The following PTGER3 variants were observed in gnomAD, a reference collection of about 807,000 sequenced individuals.
PTGER3 encodes the protein prostaglandin E2 receptor EP3 subtype.
PTGER3 carries 22 observed loss-of-function variants against 34.7 expected under a neutral mutation model. The ratio of observed to expected loss-of-function variants is 0.63; its 90% CI spans 0.45 to 0.91. The LOEUF is 0.91. Among genes scored for constraint, PTGER3 ranks in the 40% least tolerant of loss-of-function variants. PTGER3 has a pLI of 0.00. For synonymous variants in PTGER3, 241 were observed against 230.1 expected (o/e 1.05, Z -0.43); for missense variants, 468 against 519.4 (o/e 0.90, Z 0.96).
intron 4 of PTGER3, among the ~76,000 whole-genome samples, chr1:70,916,115 GAACA>G (rs748678581): frequency 4.0e-5 from 6 of 151,562 alleles, no homozygotes; most frequent in Non-Finnish European, 8.9e-5. Flanking sequence ...TACAAGCAAC[GAACA>G]AACATATGAA....
intron 4 of PTGER3, among the ~76,000 whole-genome samples, chr1:70,927,317 C>G (rs895187050): frequency 7.2e-5 from 11 of 152,168 alleles, no homozygotes; most frequent in African/African-American, 2.2e-4. Context: ...GTCCTGGACT[C>G]TTTTTGGTTG....
At chr1:70,981,564 A>G (rs1489961531) in intron 2 of PTGER3, among the ~76,000 whole-genome samples, 2 of 151,406 alleles carry the variant, frequency 1.3e-5, no homozygotes, top group Non-Finnish European at 2.9e-5. Context: ...ATGCATCACC[A>G]CACCCTGCTA....
chr1:71,009,591 T>C (rs1018246088), intron 2 of PTGER3: 1 of 984,988 alleles, frequency 1.0e-6, no homozygotes, highest in African/African-American at 1.7e-5. Flanking sequence ...ATTCATTGTT[T>C]GGAAAATCAA....
chr1:70,862,551 A>G (rs7533733), intron 4 of PTGER3, among the ~76,000 whole-genome samples: 69,872 of 151,990 alleles, frequency 0.46, 17,341 homozygotes, highest in East Asian at 0.82. Context: ...TGACTTAGAA[A>G]GCTCAAGGAA....
Position 70,971,107 on chromosome 1 carries a change from C to G in PTGER3, c.*623G>C, listed in dbSNP as rs946734995. 5.1e-6 allele frequency: 5 copies of G among 985,364 alleles called. No individual in the cohort carries two copies. Among genetic ancestry groups the G allele is most frequent in the Non-Finnish European group, 6.0e-6 (5 of 829,910 alleles). 61.0% of individuals were successfully genotyped at this position (985,364 alleles called of 1,614,324 possible). A position where few individuals can be genotyped will look rare whatever the true frequency, so the allele number is the denominator to read the frequency against. On this transcript the variant is annotated 3_prime_UTR_variant, in exon 4 of 4. Transcript: ENST00000306666. ...AACAATTAAGCAGATTCCTGAGTTA[C>G]TAAATGACACATAACTAGAATTGAG...
chr1:70,979,629 C>T lies in PTGER3; in HGVS notation c.1078-5241G>A, dbSNP rs1654061784. Among the ~76,000 whole-genome samples, 3 of 152,124 alleles carry T rather than the reference C, an allele frequency of 2.0e-5. No homozygotes were observed. The South Asian group carries it at 6.2e-4, about 31-fold the overall frequency. On this transcript the variant is annotated intron_variant, in intron 2 of 3. Coordinates refer to ENST00000306666, the MANE Select transcript of PTGER3 (RefSeq NM_198719.2). Reference sequence around the variant, plus strand: ...TTCCCCTTCTTACTTTCCAAAGTTTCCTTCCTTTCTTATCTTTCCTCTCAG... The same window carrying T: ...TTCCCCTTCTTACTTTCCAAAGTTTTCTTCCTTTCTTATCTTTCCTCTCAG...
At chr1:70,926,327 T>C (rs922886903) in intron 4 of PTGER3, among the ~76,000 whole-genome samples, 77 of 152,286 alleles carry the variant, frequency 5.1e-4, no homozygotes, top group African/African-American at 1.4e-3. Flanking sequence ...GAATGTTCTT[T>C]CATTTGTTTG....
chr1:70,959,683 T>A (rs1042260252), intron 2 of PTGER3, among the ~76,000 whole-genome samples: 2 of 152,142 alleles, frequency 1.3e-5, no homozygotes, highest in Admixed American at 1.3e-4. Context: ...TTTTCATCTA[T>A]GTTTTATAGA....
intron 2 of PTGER3, among the ~76,000 whole-genome samples, chr1:70,996,639 T>TTTTTTTTATTTATTTA (rs774610328): frequency 2.4e-4 from 30 of 122,748 alleles, no homozygotes; most frequent in South Asian, 5.6e-4. Context: ...TTTTTTGTAT[T>TTTTTTTTATTTATTTA]TTTATTTATT....
intron 4 of PTGER3, among the ~76,000 whole-genome samples, chr1:70,863,844 G>T (rs570612875): frequency 6.6e-6 from 1 of 152,212 alleles, no homozygotes; most frequent in East Asian, 1.9e-4. Flanking sequence ...TGAGTATATG[G>T]TAGATGATTT....
chr1:70,955,828 A>G (rs1189213925), intron 2 of PTGER3, among the ~76,000 whole-genome samples: 1 of 152,164 alleles, frequency 6.6e-6, no homozygotes, highest in Non-Finnish European at 1.5e-5. Context: ...TTACAGAAAT[A>G]TATTCTAGGG....
intron 4 of PTGER3, among the ~76,000 whole-genome samples, chr1:70,858,546 G>A (rs1645859985): frequency 1.3e-5 from 2 of 152,098 alleles, no homozygotes; most frequent in South Asian, 4.1e-4. Context: ...TTAGGAAACT[G>A]ATATTTACCA....
At chr1:71,040,497 T>G (rs1438011691) in intron 1 of PTGER3, among the ~76,000 whole-genome samples, 1 of 151,778 alleles carries the variant, frequency 6.6e-6, no homozygotes, top group Non-Finnish European at 1.5e-5. Context: ...TAACCCCAGC[T>G]ACTCGGGAGG....
At chr1:70,985,240 C>T (rs1348218732) in intron 2 of PTGER3, among the ~76,000 whole-genome samples, 6 of 152,136 alleles carry the variant, frequency 3.9e-5, no homozygotes, top group Non-Finnish European at 8.8e-5. Context: ...CTCTTTAGTA[C>T]ACAGGCTCAT....
chr1:71,041,111 G>A (rs945964028), intron 1 of PTGER3, among the ~76,000 whole-genome samples: 4 of 152,170 alleles, frequency 2.6e-5, no homozygotes, highest in East Asian at 3.8e-4. Context: ...ACAGGGTTAC[G>A]TCTGGGTAAA....
At chr1:70,985,102 G>A (rs566261472) in intron 2 of PTGER3, among the ~76,000 whole-genome samples, 14 of 152,160 alleles carry the variant, frequency 9.2e-5, no homozygotes, top group Non-Finnish European at 2.1e-4. Flanking sequence ...AGTGCTAGAA[G>A]AGGAGACAGC....
At chr1:70,992,045 T>C (rs1293064335) in intron 2 of PTGER3, among the ~76,000 whole-genome samples, 6 of 152,234 alleles carry the variant, frequency 3.9e-5, no homozygotes, top group Non-Finnish European at 7.3e-5. Flanking sequence ...TTGATGTTCA[T>C]AGTAATCCCA....
At chr1:70,879,809 T>C (rs758478994) in intron 4 of PTGER3, among the ~76,000 whole-genome samples, 12 of 152,094 alleles carry the variant, frequency 7.9e-5, no homozygotes, top group Non-Finnish European at 1.6e-4. Flanking sequence ...GATATTGATA[T>C]GTGTGGCCAG....
Position 70,952,924 on chromosome 1 carries a change from TTGAGA to T in PTGER3, c.1235_1239del (p.Ile412AsnfsTer8). On this transcript the variant is annotated frameshift_variant, in exon 4 of 4. Transcript: ENST00000356595. LOFTEE classifies it high-confidence loss of function. ...TCTTCATGTTATTCTGTCTTTACTG[TTGAGA>T]TTCTGGTGTACACATTAATGCTGCT... The T allele has an allele frequency of 6.2e-7, 1 of 1,610,370 alleles. No homozygotes were observed. The highest frequency in any genetic ancestry group is 8.5e-7 in the Non-Finnish European group (1 of 1,178,134).
Sources: gnomAD v4.1 joint callset for allele counts (sites outside exome capture counted in the v4.1 genomes callset) on GRCh38, gnomAD v4.1.1 for gene constraint, MANE v1.5 for transcripts, NCBI Gene and HGNC (gene_info 2026-07-23, HGNC 2026-07-21) for gene names.